The following ATP2B1 variants were observed in gnomAD, a reference collection of about 807,000 sequenced individuals.
ATP2B1 encodes plasma membrane calcium-transporting ATPase 1.
In ATP2B1, 14 loss-of-function variants were observed where a neutral mutation model predicts 124.2. The ratio of observed to expected loss-of-function variants is 0.11; its 90% CI spans 0.07 to 0.18. The LOEUF (loss-of-function observed/expected upper bound fraction) is 0.18. Among genes scored for constraint, ATP2B1 ranks in the 10% least tolerant of loss-of-function variants. The pLI, the probability that ATP2B1 is intolerant of heterozygous loss-of-function variation, is 1.00. For synonymous variants in ATP2B1, 449 were observed against 492.4 expected (o/e 0.91, Z 1.17); for missense variants, 763 against 1,466.1 (o/e 0.52, Z 7.83).
Position 89,621,609 on chromosome 12 carries a change from A to G in ATP2B1, c.1527T>C (p.Asn509=). 1 of 1,610,006 alleles carries G rather than the reference A, an allele frequency of 6.2e-7. No homozygotes were observed. The highest frequency in any genetic ancestry group is 8.5e-7 in the Non-Finnish European group (1 of 1,177,164). Reference sequence around the variant, plus strand: ...TTCCTGTTACAAGATAGGACAAAATATTTGGTGGAATAGCTTCTGGTTCAG... The same window carrying G: ...TTCCTGTTACAAGATAGGACAAAATGTTTGGTGGAATAGCTTCTGGTTCAG... ...KVPEPEAIPP[N]ILSYLVTGIS... The change falls in exon 10 of 21, where the codon AAT becomes AAC. Residue 509 remains asparagine, a synonymous_variant. Transcript: ENST00000428670.
intron 15 of ATP2B1, among the ~76,000 whole-genome samples, chr12:89,606,245 T>G (rs1423067210): frequency 6.6e-6 from 1 of 152,178 alleles, no homozygotes; most frequent in Non-Finnish European, 1.5e-5. Flanking sequence ...GTCCTCACCT[T>G]CATTAATGAA....
chr12:89,664,979 C>T (rs1046991737), intron 1 of ATP2B1, among the ~76,000 whole-genome samples: 1 of 152,068 alleles, frequency 6.6e-6, no homozygotes, highest in Middle Eastern at 3.4e-3. Flanking sequence ...TACAGGCATG[C>T]ACCACCATAT....
At chr12:89,622,738 C>T (rs1880206060) in intron 9 of ATP2B1, among the ~76,000 whole-genome samples, 2 of 151,988 alleles carry the variant, frequency 1.3e-5, no homozygotes. Context: ...TTTTGTGAAA[C>T]ACTAACAGAG....
chr12:89,705,027 C>T (rs528805018), intron 1 of ATP2B1, among the ~76,000 whole-genome samples: 1 of 152,088 alleles, frequency 6.6e-6, no homozygotes, highest in South Asian at 2.1e-4. Context: ...TGATGGACCA[C>T]GAGAGTTGGT....
chr12:89,620,404 G>A (rs950786781), intron 10 of ATP2B1, among the ~76,000 whole-genome samples, 164 bp from the exon 11 acceptor site: 1 of 152,070 alleles, frequency 6.6e-6, no homozygotes, highest in African/African-American at 2.4e-5. Context: ...AGGAGCCTGG[G>A]GTGAGAATGA....
At chr12:89,660,719 C>A (rs983739148) in intron 1 of ATP2B1, among the ~76,000 whole-genome samples, 2 of 152,154 alleles carry the variant, frequency 1.3e-5, no homozygotes, top group African/African-American at 2.4e-5. Context: ...TACCTTGACA[C>A]ACAGTAAATG....
intron 1 of ATP2B1, among the ~76,000 whole-genome samples, chr12:89,687,240 C>T (rs772051849): frequency 5.3e-5 from 8 of 152,032 alleles, no homozygotes; most frequent in South Asian, 2.1e-4. Context: ...TTTACTGTAA[C>T]GCTTTTATGT....
chr12:89,598,680 A>T (rs754471105), intron 20 of ATP2B1: 1 of 1,614,028 alleles, frequency 6.2e-7, no homozygotes, highest in Admixed American at 1.7e-5. Flanking sequence ...CTGGCGATGG[A>T]GGGTTGCCGC....
At chr12:89,701,234 C>A (rs927509696) in intron 1 of ATP2B1, among the ~76,000 whole-genome samples, 1 of 152,162 alleles carries the variant, frequency 6.6e-6, no homozygotes, top group Non-Finnish European at 1.5e-5. Flanking sequence ...TTTGGTCTGT[C>A]TAAATGTGCC....
chr12:89,642,951 G>T (rs1883798165), intron 2 of ATP2B1, among the ~76,000 whole-genome samples: 1 of 151,840 alleles, frequency 6.6e-6, no homozygotes, highest in African/African-American at 2.4e-5. Context: ...TCTTGTAGAT[G>T]TTAGCAATCA....
At chr12:89,634,371 A>C (rs1882360602) in intron 5 of ATP2B1, among the ~76,000 whole-genome samples, 1 of 152,198 alleles carries the variant, frequency 6.6e-6, no homozygotes, top group Non-Finnish European at 1.5e-5. Context: ...TCCTTTGTAG[A>C]GCATCACAGA....
intron 1 of ATP2B1, among the ~76,000 whole-genome samples, chr12:89,695,105 C>T (rs1890993662): frequency 6.8e-6 from 1 of 147,592 alleles, no homozygotes; most frequent in Non-Finnish European, 1.5e-5. Flanking sequence ...ACAATGGTAG[C>T]AAAACTACTG....
chr12:89,611,229 T>G lies in ATP2B1; in HGVS notation c.2211A>C (p.Lys737Asn). The G allele has an allele frequency of 2.5e-6, 4 of 1,601,602 alleles. No individual in the cohort carries two copies. The highest frequency in any genetic ancestry group is 2.5e-6 in the Non-Finnish European group (3 of 1,176,714). ...PGEDFLCLEG[K>N]DFNRRIRNEK... Reference sequence around the variant, plus strand: ...CATTTCGTATTCTTCTGTTAAAATCTTTACCTTCTAGGCACAGAAAATCTT... The same window carrying G: ...CATTTCGTATTCTTCTGTTAAAATCGTTACCTTCTAGGCACAGAAAATCTT... Residue 737 changes from lysine (K) to asparagine (N), a missense_variant, in exon 13 of 21, where the codon AAA (lysine) becomes AAC (asparagine). Around this residue, in one of 7 missense-constraint regions of ATP2B1, gnomAD observed 392 missense variants for 776.6 expected, o/e 0.50. Coordinates refer to ENST00000428670, the MANE Select transcript of ATP2B1 (RefSeq NM_001366521.1).
intron 1 of ATP2B1, among the ~76,000 whole-genome samples, chr12:89,674,008 A>G (rs1420793673): frequency 6.6e-6 from 1 of 152,114 alleles, no homozygotes; most frequent in Non-Finnish European, 1.5e-5. Context: ...AGAGGTGAAG[A>G]CTGACTTTCA....
In ATP2B1 at chr12:89,678,319, G is replaced by A. The variant is rs567620917; in HGVS notation, c.-221-22212C>T. Among the ~76,000 whole-genome samples, 5 of 152,170 alleles carry A rather than the reference G, an allele frequency of 3.3e-5. No individual in the cohort carries two copies. In the South Asian group the frequency reaches 6.2e-4, roughly 19 times the overall value. Reference sequence around the variant, plus strand: ...TTTTTGAAGTGGCCATTTGGCCTCCGTTTCATGTTTTCTTCTTGTGGGTGT... The same window carrying A: ...TTTTTGAAGTGGCCATTTGGCCTCCATTTCATGTTTTCTTCTTGTGGGTGT... On this transcript the variant is annotated intron_variant, in intron 1 of 20. Transcript: ENST00000428670.
intron 1 of ATP2B1, among the ~76,000 whole-genome samples, chr12:89,657,304 G>T (rs11105359): frequency 0.013 from 1,957 of 152,144 alleles, 39 homozygotes; most frequent in African/African-American, 0.044. Flanking sequence ...TTAACCCCTT[G>T]GTTCTTCCTC....
At position 89,592,222 on chromosome 12, in the gene ATP2B1, G is replaced by GA. The variant is rs138609884; in HGVS notation, c.3352-928dup. On this transcript the variant is annotated intron_variant, in intron 20 of 20. Coordinates refer to ENST00000428670, the MANE Select transcript of ATP2B1 (RefSeq NM_001366521.1). Reference sequence around the variant, plus strand: ...TTAACTCAAGCGTCATTCAGATTTAGAAAAAAAAGGACAAAATCCAACTAG... The same window carrying GA: ...TTAACTCAAGCGTCATTCAGATTTAGAAAAAAAAAGGACAAAATCCAACTAG... 2.9e-3 allele frequency among the ~76,000 whole-genome samples: 435 copies of GA among 151,572 alleles called. 1 individual carries two copies. Among genetic ancestry groups the GA allele is most frequent in the African/African-American group, 0.01 (414 of 41,380 alleles).
chr12:89,612,596 C>T (rs2136014957), intron 12 of ATP2B1, among the ~76,000 whole-genome samples: 1 of 152,282 alleles, frequency 6.6e-6, no homozygotes, highest in Non-Finnish European at 1.5e-5. Context: ...TTCTAACTCC[C>T]CCCGCCCAAC....
chr12:89,598,452 G>A lies in ATP2B1; in HGVS notation c.3351+665C>T, dbSNP rs1875121119. The A allele has an allele frequency of 5.2e-6, 5 of 958,658 alleles. No individual in the cohort carries two copies. In the East Asian group the frequency reaches 8.3e-5, roughly 16 times the overall value. The allele number at this position is 958,658 out of a possible 1,614,324, so 59.4% of individuals were successfully genotyped here. A position where few individuals can be genotyped will look rare whatever the true frequency, so the allele number is the denominator to read the frequency against. On this transcript the variant is annotated intron_variant, in intron 20 of 20. Coordinates refer to ENST00000428670, the MANE Select transcript of ATP2B1 (RefSeq NM_001366521.1). The stretch of plus-strand genomic sequence containing the variant: ...TAAAACAACAACGACAACACTTTGA[G>A]GTCTCAATCCACTTTACGAAAAGAA...
Sources: allele counts gnomAD v4.1 joint callset (sites outside exome capture counted in the v4.1 genomes callset), GRCh38; gene constraint gnomAD v4.1.1; regional missense constraint gnomAD v4.1.1; transcripts MANE v1.5; gene names NCBI Gene and HGNC (gene_info 2026-07-23, HGNC 2026-07-21).